Variants in SELENON observed in about 807,000 individuals in gnomAD.
SELENON encodes the protein selenoprotein N, 1.
Under a neutral mutation model 59.5 loss-of-function variants are expected in SELENON, and 44 were observed. That is an observed-to-expected ratio of 0.74 (90% CI 0.58 to 0.95). The LOEUF (loss-of-function observed/expected upper bound fraction) is 0.95, where lower values mean the gene tolerates loss of function less well. Among genes scored for constraint, SELENON ranks in the 40% least tolerant of loss-of-function variants. The probability of loss-of-function intolerance (pLI) is 0.00; values close to 1 mark genes in which losing one functional copy is unlikely to be tolerated. For missense variants in SELENON, 674 were observed against 721.4 expected (o/e 0.93, Z 0.75); for synonymous variants, 320 against 305.6 (o/e 1.05, Z -0.49).
At chr1:25,803,716 G>GTT (rs1305818320) in intron 3 of SELENON, among the ~76,000 whole-genome samples, 1 of 96,116 alleles carries the variant, frequency 1.0e-5, no homozygotes, top group African/African-American at 3.3e-5. Context: ...TTGTTTTTTT[G>GTT]TTTTTTTTTT....
Position 25,809,044 on chromosome 1 carries a change from C to T in SELENON, c.766C>T (p.Leu256=). The T allele has an allele frequency of 1.2e-6, 2 of 1,613,794 alleles. No individual in the cohort carries two copies. ...CCCCCAGGTCATCATCCACCGGCTCCTGAGCATGTTCCACCCTCGGCCCTT... is the reference window on the plus strand; with the variant it reads ...CCCCCAGGTCATCATCCACCGGCTCTTGAGCATGTTCCACCCTCGGCCCTT... Residue 256 remains leucine (L), a synonymous_variant, in exon 6 of 13, where the codon CTG becomes TTG. Transcript: ENST00000361547.
At chr1:25,811,975 C>T (rs1377319043) in intron 9 of SELENON, 96 bp downstream of exon 8, 12 of 1,284,876 alleles carry the variant, frequency 9.3e-6, no homozygotes, top group African/African-American at 4.4e-5. Flanking sequence ...GGTATGTGTG[C>T]AGGGCTTGCT....
At chr1:25,814,625 A>G (rs1229772277) in intron 12 of SELENON, among the ~76,000 whole-genome samples, 1 of 152,232 alleles carries the variant, frequency 6.6e-6, no homozygotes, top group African/African-American at 2.4e-5. Context: ...GGGGCCTCAC[A>G]GCAGCTTTGG....
intron 6 of SELENON, 100 bp from the exon 6 acceptor site, chr1:25,809,583 C>T: frequency 6.4e-7 from 1 of 1,557,466 alleles, no homozygotes; most frequent in Non-Finnish European, 8.8e-7. Flanking sequence ...ACCTCCACCC[C>T]CACACTCAGC....
rs1019949391 is a variant in SELENON, at chr1:25,807,034, G to A, written c.538-1546G>A. On this transcript the variant is annotated intron_variant, in intron 4 of 12. Transcript: ENST00000361547. This position sits in a 1 kb window ranked among gnomAD's most constrained non-coding sequence, Gnocchi z 4.5. ...AGACGGGGTTTCACCATGTTGACCA[G>A]GATGGTTTCAATCTCCTGACCTCGT... is the stretch of plus-strand genomic sequence containing the variant. 2.6e-5 allele frequency among the ~76,000 whole-genome samples: 4 copies of A among 152,080 alleles called. No individual in the cohort carries two copies. The highest frequency in any genetic ancestry group is 5.9e-5 in the Non-Finnish European group (4 of 68,024).
At chr1:25,813,849 G>A (rs1408674584) in intron 10 of SELENON, 32 bp from the exon 10 acceptor site, 1 of 1,560,936 alleles carries the variant, frequency 6.4e-7, no homozygotes, top group African/African-American at 1.4e-5. Context: ...GCAAGATGTG[G>A]GGGCGCCTCA....
intron 7 of SELENON, among the ~76,000 whole-genome samples, chr1:25,811,111 C>CTG (rs61054877): frequency 0.025 from 3,738 of 152,340 alleles, 159 homozygotes; most frequent in African/African-American, 0.085. Flanking sequence ...GTTTTCATTC[C>CTG]TGCCCCACCC....
intron 2 of SELENON, among the ~76,000 whole-genome samples, chr1:25,801,763 C>T (rs1471141391): frequency 6.6e-6 from 1 of 152,120 alleles, no homozygotes; most frequent in Non-Finnish European, 1.5e-5. Context: ...TCTCTTTAAA[C>T]CTCACAGTAG....
At chr1:25,804,224 C>G (rs1055496127) in intron 3 of SELENON, among the ~76,000 whole-genome samples, 1 of 152,170 alleles carries the variant, frequency 6.6e-6, no homozygotes, top group Non-Finnish European at 1.5e-5. Context: ...AGATTCCAGA[C>G]TCTCACCCCT....
rs1216941138 is a variant in SELENON, at chr1:25,815,990, C to G, written c.*272C>G. 2 of 488,014 alleles carry G rather than the reference C, an allele frequency of 4.1e-6. No homozygotes were observed. The highest frequency in any genetic ancestry group is 1.9e-5 in the African/African-American group (1 of 51,308). 30.2% of individuals were successfully genotyped at this position (488,014 alleles called of 1,614,324 possible). A position where few individuals can be genotyped will look rare whatever the true frequency, so the allele number is the denominator to read the frequency against. ...GGCTCTGGAAGCTGCTTGGCCCCCC[C>G]AGATCAGGGCCTGGGTGAACTCCCT... On this transcript the variant is annotated 3_prime_UTR_variant, in exon 13 of 13. Transcript: ENST00000361547.
At position 25,815,272 on chromosome 1, in the gene SELENON, G is replaced by A. The variant is rs576560353; in HGVS notation, c.1603-276G>A. ...ACAGAGGAGAGGGGTCATTTCGGGGGGCGGGGGCAGAGGGCTAGTAGAAGA... is the reference window on the plus strand; with the variant it reads ...ACAGAGGAGAGGGGTCATTTCGGGGAGCGGGGGCAGAGGGCTAGTAGAAGA... On this transcript the variant is annotated intron_variant, in intron 12 of 12. Coordinates refer to ENST00000361547, the MANE Select transcript of SELENON (RefSeq NM_020451.3). Among the ~76,000 whole-genome samples the A allele has an allele frequency of 5.3e-4, 80 of 152,150 alleles. 1 individual carries two copies. Among genetic ancestry groups the A allele is most frequent in the African/African-American group, 1.9e-3 (78 of 41,492 alleles).
In SELENON at chr1:25,818,092, T is replaced by C. The variant is rs1461151786; in HGVS notation, c.*2374T>C. On this transcript the variant is annotated 3_prime_UTR_variant, in exon 13 of 13. Coordinates refer to ENST00000361547, the MANE Select transcript of SELENON (RefSeq NM_020451.3). ...GCTTTCTGAGGCCTTATCTGATGCCTCTGCAGTTCATGTCCCCCACCAGGC... is the reference window on the plus strand; with the variant it reads ...GCTTTCTGAGGCCTTATCTGATGCCCCTGCAGTTCATGTCCCCCACCAGGC... 9 of 152,390 alleles carry C rather than the reference T, an allele frequency of 5.9e-5. No homozygotes were observed. Among genetic ancestry groups the C allele is most frequent in the Admixed American group, 3.3e-4 (5 of 15,282 alleles). 9.4% of individuals were successfully genotyped at this position (152,390 alleles called of 1,614,324 possible). A position where few individuals can be genotyped will look rare whatever the true frequency, so the allele number is the denominator to read the frequency against.
chr1:25,805,077 A>G, intron 3 of SELENON, 65 bp from the exon 3 acceptor site: 1 of 1,605,360 alleles, frequency 6.2e-7, no homozygotes, highest in East Asian at 2.2e-5. Flanking sequence ...GCTAGTGTGG[A>G]TGATGAGGGA....
intron 10 of SELENON, chr1:25,813,435 T>C: frequency 3.0e-6 from 1 of 328,184 alleles, no homozygotes; most frequent in Non-Finnish European, 6.0e-6. Context: ...GCACGGTGAG[T>C]GTTCTACAGG....
chr1:25,815,983 G>GC lies in SELENON; in HGVS notation c.*272dup, dbSNP rs1004848376. On this transcript the variant is annotated 3_prime_UTR_variant, in exon 13 of 13. Transcript: ENST00000361547. ...CCCATTTGGCTCTGGAAGCTGCTTG[G>GC]CCCCCCCAGATCAGGGCCTGGGTGA... The GC allele has an allele frequency of 2.4e-5, 12 of 500,326 alleles. No homozygotes were observed. The highest frequency in any genetic ancestry group is 5.5e-4 in the Middle Eastern group (1 of 1,810). The allele number at this position is 500,326 out of a possible 1,614,324, so 31.0% of individuals were successfully genotyped here. A position where few individuals can be genotyped will look rare whatever the true frequency, so the allele number is the denominator to read the frequency against.
chr1:25,808,731 T>A lies in SELENON; in HGVS notation c.689T>A (p.Met230Lys). 6.2e-7 allele frequency: 1 copy of A among 1,614,060 alleles called. No homozygotes were observed. Among genetic ancestry groups the A allele is most frequent in the African/African-American group, 1.3e-5 (1 of 75,038 alleles). ...TGGATCATCCCCAGTGAGCTGAGCATGTTCACTGGCTACCTGTCCAACAAC... is the reference window on the plus strand; with the variant it reads ...TGGATCATCCCCAGTGAGCTGAGCAAGTTCACTGGCTACCTGTCCAACAAC... The change falls in exon 5 of 13, where the codon ATG (methionine) becomes AAG (lysine). Residue 230 changes from methionine to lysine, a missense_variant. By Grantham distance (95) the Met-to-Lys change is moderately conservative. Coordinates refer to ENST00000361547, the MANE Select transcript of SELENON (RefSeq NM_020451.3).
intron 4 of SELENON, 115 bp downstream of exon 3, chr1:25,805,390 G>A (rs2124442871): frequency 7.0e-7 from 1 of 1,437,632 alleles, no homozygotes; most frequent in Non-Finnish European, 9.7e-7. Flanking sequence ...CCAGGCCCTG[G>A]AGGTCCATGT....
At position 25,812,737 on chromosome 1, in the gene SELENON, C is replaced by T. The variant is rs1202847006; in HGVS notation, c.1332C>T (p.Asn444=). ...CCTTCGACCGAGCCAAGGCTGAGAA[C>T]AAGCTGGTGCACTCAATCCTGCTGT... is the stretch of plus-strand genomic sequence containing the variant. Residue 444 remains asparagine (N), a synonymous_variant, in exon 10 of 13, where the codon AAC becomes AAT. Transcript: ENST00000361547. 1 of 1,613,636 alleles carries T rather than the reference C, an allele frequency of 6.2e-7. No individual in the cohort carries two copies. Among genetic ancestry groups the T allele is most frequent in the Non-Finnish European group, 8.5e-7 (1 of 1,179,920 alleles).
At chr1:25,801,021 C>G in intron 1 of SELENON, 22 bp from the exon 2 acceptor site, 1 of 1,600,492 alleles carries the variant, frequency 6.2e-7, no homozygotes, top group Non-Finnish European at 8.6e-7. Flanking sequence ...TGGTGCCCAG[C>G]CCAGTCTCTC....
Sources: allele counts gnomAD v4.1 joint callset (sites outside exome capture counted in the v4.1 genomes callset), GRCh38; gene constraint gnomAD v4.1.1; non-coding constraint Gnocchi (gnomAD v3.1); transcripts MANE v1.5; gene names NCBI Gene and HGNC (gene_info 2026-07-23, HGNC 2026-07-21).